C3orf52: variants seen among roughly 807,000 people sequenced by gnomAD.
C3orf52 encodes the protein chromosome 3 open reading frame 52, also known as TPA-induced transmembrane protein.
Under a neutral mutation model 24.8 loss-of-function variants are expected in C3orf52, and 22 were observed. The ratio of observed to expected loss-of-function variants is 0.89; its 90% CI spans 0.63 to 1.27. The LOEUF is 1.27. Among genes scored for constraint, C3orf52 ranks in the 50% most tolerant of loss-of-function variants. The probability of loss-of-function intolerance (pLI) is 0.00; values close to 1 mark genes in which losing one functional copy is unlikely to be tolerated. For synonymous variants in C3orf52, 93 were observed against 100.2 expected, an observed-to-expected ratio of 0.93 and a Z score of 0.43; for missense variants, 265 against 260.7, an observed-to-expected ratio of 1.02 and a Z score of -0.11.
chr3:112,093,541 G>A lies in C3orf52; in HGVS notation c.268+52G>A. 2.6e-6 allele frequency: 4 copies of A among 1,536,972 alleles called. No homozygotes were observed. The South Asian group carries it at 3.6e-5, about 14-fold the overall frequency. On this transcript the variant is annotated intron_variant, in intron 2 of 5. Coordinates refer to ENST00000264848, the MANE Select transcript of C3orf52 (RefSeq NM_024616.3). ...AACACATTTTAAGAACTTACTTAAG[G>A]CTTGTGACTTACACTGAAATGGAAG...
intron 3 of C3orf52, among the ~76,000 whole-genome samples, chr3:112,105,052 A>G (rs997901589): frequency 1.3e-5 from 2 of 152,206 alleles, no homozygotes; most frequent in African/African-American, 4.8e-5. Context: ...TCATTTTACA[A>G]CCATATATCT....
At chr3:112,118,463 C>T (rs1294596860), downstream of C3orf52, among the ~76,000 whole-genome samples, 2 of 152,194 alleles carry the variant, frequency 1.3e-5, no homozygotes, top group Non-Finnish European at 1.5e-5. Flanking sequence ...AGGGCTTGGA[C>T]TTGAAGGAAC....
At chr3:112,107,351 C>T (rs1295283714) in intron 3 of C3orf52, among the ~76,000 whole-genome samples, 1 of 152,192 alleles carries the variant, frequency 6.6e-6, no homozygotes, top group Non-Finnish European at 1.5e-5. Flanking sequence ...TCTGCAGCAT[C>T]CTCATCCTCC....
At chr3:112,092,673 AC>A (rs1312370477) in intron 1 of C3orf52, among the ~76,000 whole-genome samples, 1 of 152,148 alleles carries the variant, frequency 6.6e-6, no homozygotes, top group Non-Finnish European at 1.5e-5. Flanking sequence ...TAGCAGTTGT[AC>A]TTGTTTTCAT....
At chr3:112,119,546 T>C (rs1314743206), downstream of C3orf52, 1 of 702,926 alleles carries the variant, frequency 1.4e-6, no homozygotes, top group East Asian at 2.7e-5. Flanking sequence ...CACATGTTCG[T>C]GTCTTCTTAG....
intron 4 of C3orf52, chr3:112,126,919 T>A: frequency 9.3e-7 from 1 of 1,075,796 alleles, no homozygotes; most frequent in Middle Eastern, 2.0e-4. Flanking sequence ...TTTGGGAACA[T>A]AGAGAAGAAG....
In C3orf52 at chr3:112,102,963, AG is replaced by A. The variant is rs1446850897; in HGVS notation, c.396+1del. 1.2e-6 allele frequency: 2 copies of A among 1,612,306 alleles called. No individual in the cohort carries two copies. The highest frequency in any genetic ancestry group is 1.7e-6 in the Non-Finnish European group (2 of 1,179,264). ...EEELPHLLTERLTDVYSTSPS... is the reference protein window; with the variant it reads ...EEELPHLLTEXLTDVYSTSPS... ...GGAATTGCCTCACCTGCTCACCGAA[AG>A]GGTAATTCCATCTTATATATTGCCT... On this transcript the variant is annotated frameshift_variant and splice_region_variant, in exon 3 of 6. Coordinates refer to ENST00000264848, the MANE Select transcript of C3orf52 (RefSeq NM_024616.3). LOFTEE classifies it high-confidence loss of function.
chr3:112,109,238 A>G (rs2074054987), intron 3 of C3orf52, among the ~76,000 whole-genome samples: 1 of 152,008 alleles, frequency 6.6e-6, no homozygotes, highest in South Asian at 2.1e-4. Context: ...TCTCCTTCCT[A>G]TGGTCTGTGA....
At chr3:112,126,730 T>C (rs1174081055) in intron 4 of C3orf52, among the ~76,000 whole-genome samples, 4 of 152,170 alleles carry the variant, frequency 2.6e-5, no homozygotes, top group Non-Finnish European at 5.9e-5. Context: ...ACCTTTTGTA[T>C]CCTTGCCCCC....
chr3:112,102,785 A>C, intron 2 of C3orf52, 53 bp from the exon 3 acceptor site: 1 of 1,460,906 alleles, frequency 6.8e-7, no homozygotes, highest in South Asian at 1.3e-5. Flanking sequence ...GTTTATTATT[A>C]TATGCAGGTG....
intron 1 of C3orf52, among the ~76,000 whole-genome samples, chr3:112,091,320 G>A (rs993859055): frequency 6.6e-6 from 1 of 152,206 alleles, no homozygotes; most frequent in Admixed American, 6.5e-5. Context: ...TTCAGTTTAC[G>A]CAGGAAGATA....
intron 3 of C3orf52, among the ~76,000 whole-genome samples, chr3:112,105,557 T>C (rs2074015851): frequency 6.6e-6 from 1 of 151,684 alleles, no homozygotes; most frequent in African/African-American, 2.4e-5. Context: ...TGTGTGTGTG[T>C]GTGTGTGTGT....
At chr3:112,107,870 T>C (rs1400924074) in intron 3 of C3orf52, among the ~76,000 whole-genome samples, 1 of 152,088 alleles carries the variant, frequency 6.6e-6, no homozygotes, top group Non-Finnish European at 1.5e-5. Flanking sequence ...TAAATGGGAG[T>C]GTATTGTGGA....
At chr3:112,132,182 T>C (rs2107817242), downstream of C3orf52, among the ~76,000 whole-genome samples, 1 of 152,236 alleles carries the variant, frequency 6.6e-6, no homozygotes, top group Admixed American at 6.5e-5. Flanking sequence ...TCAGACAACA[T>C]GATTCTTAGG....
chr3:112,093,220 T>C, intron 1 of C3orf52, 140 bp from the exon 2 acceptor site: 12 of 769,976 alleles, frequency 1.6e-5, no homozygotes, highest in Non-Finnish European at 2.4e-5. Flanking sequence ...TCTCTCTTTT[T>C]GAAAACTTGA....
At chr3:112,097,205 G>T (rs1653157977) in intron 2 of C3orf52, among the ~76,000 whole-genome samples, 1 of 152,222 alleles carries the variant, frequency 6.6e-6, no homozygotes, top group East Asian at 1.9e-4. Flanking sequence ...TGTTCTCAAG[G>T]GTTCTCCTTT....
downstream of C3orf52, chr3:112,118,244 G>A (rs537351845): frequency 6.6e-6 from 1 of 152,182 alleles, no homozygotes; most frequent in Non-Finnish European, 1.5e-5. Flanking sequence ...GCTTTGGGCT[G>A]GGTTTTTGTT....
intron 1 of C3orf52, among the ~76,000 whole-genome samples, chr3:112,087,468 C>T (rs975734930): frequency 6.6e-6 from 1 of 152,108 alleles, no homozygotes; most frequent in Non-Finnish European, 1.5e-5. Flanking sequence ...GCACAGAACT[C>T]CCCATATAGA....
downstream of C3orf52, chr3:112,119,557 G>T: frequency 1.4e-6 from 1 of 702,712 alleles, no homozygotes; most frequent in South Asian, 1.5e-5. Flanking sequence ...GTCTTCTTAG[G>T]ATGAGGTACA....
Sources: allele counts gnomAD v4.1 joint callset (sites outside exome capture counted in the v4.1 genomes callset), GRCh38; gene constraint gnomAD v4.1.1; transcripts MANE v1.5; gene names NCBI Gene and HGNC (gene_info 2026-07-23, HGNC 2026-07-21).